Variants in CDH13 observed in about 807,000 individuals in gnomAD.
CDH13 encodes the protein cadherin 13.
Under a neutral mutation model 63.8 loss-of-function variants are expected in CDH13, and 24 were observed. The observed-to-expected ratio is 0.38, with a 90% CI of 0.27 to 0.53. The LOEUF is 0.53. CDH13 is among the 20% of genes least tolerant of loss of function. The probability of loss-of-function intolerance (pLI) is 0.85; values close to 1 mark genes in which losing one functional copy is unlikely to be tolerated. For missense variants in CDH13, 1,049 were observed against 903.1 expected (o/e 1.16, Z -2.07); for synonymous variants, 503 against 355.3 (o/e 1.42, Z -4.67).
At chr16:82,815,531 A>C (rs1248645143) in intron 1 of CDH13, among the ~76,000 whole-genome samples, 1 of 152,210 alleles carries the variant, frequency 6.6e-6, no homozygotes, top group Non-Finnish European at 1.5e-5. Flanking sequence ...TATTATTTCC[A>C]TGTTCAGAAA....
At chr16:82,762,615 T>C (rs2034896431) in intron 1 of CDH13, among the ~76,000 whole-genome samples, 1 of 152,216 alleles carries the variant, frequency 6.6e-6, no homozygotes, top group Non-Finnish European at 1.5e-5. Flanking sequence ...GATGGTCATG[T>C]TCCTGGCTGG....
At chr16:83,644,081 C>G (rs956233796) in intron 8 of CDH13, among the ~76,000 whole-genome samples, 3 of 152,252 alleles carry the variant, frequency 2.0e-5, no homozygotes, top group Admixed American at 1.3e-4. Context: ...TGAAACCCAA[C>G]AGAGTCCTTG....
At chr16:82,662,975 A>G (rs1233517075) in intron 1 of CDH13, among the ~76,000 whole-genome samples, 2 of 152,198 alleles carry the variant, frequency 1.3e-5, no homozygotes, top group Non-Finnish European at 2.9e-5. Context: ...AGTTAAAAAC[A>G]TTGGATAAAT....
intron 8 of CDH13, among the ~76,000 whole-genome samples, chr16:83,627,142 G>GAGCTGAGTGTGGC (rs1910384104): frequency 1.5e-5 from 2 of 136,200 alleles, no homozygotes; most frequent in African/African-American, 5.4e-5. Flanking sequence ...AAAAAAAAAT[G>GAGCTGAGTGTGGC]AGCTGAGTGT....
At chr16:83,360,987 T>C (rs939579851) in intron 6 of CDH13, among the ~76,000 whole-genome samples, 1 of 152,076 alleles carries the variant, frequency 6.6e-6, no homozygotes, top group African/African-American at 2.4e-5. Flanking sequence ...AGATTGCTTG[T>C]TTTAAGTGCT....
chr16:83,535,674 A>G (rs1391879343), intron 7 of CDH13, among the ~76,000 whole-genome samples: 1 of 152,154 alleles, frequency 6.6e-6, no homozygotes, highest in Non-Finnish European at 1.5e-5. Context: ...CAGGTTAATT[A>G]ACATTTAGGC....
At chr16:82,857,167 C>G (rs920576100) in intron 1 of CDH13, among the ~76,000 whole-genome samples, 4 of 152,186 alleles carry the variant, frequency 2.6e-5, no homozygotes, top group African/African-American at 9.7e-5. Flanking sequence ...GCTGGCTTCA[C>G]CCATTCCAAC....
intron 8 of CDH13, among the ~76,000 whole-genome samples, chr16:83,644,689 C>G (rs961909407): frequency 3.9e-5 from 6 of 152,204 alleles, no homozygotes; most frequent in Admixed American, 2.0e-4. Flanking sequence ...AGAAACGCAT[C>G]TGGTACTCAA....
At chr16:83,452,579 G>A (rs1051560128) in intron 6 of CDH13, among the ~76,000 whole-genome samples, 4 of 152,042 alleles carry the variant, frequency 2.6e-5, no homozygotes, top group Admixed American at 2.6e-4. Flanking sequence ...GATGGTACTT[G>A]TTTCCTGCCC....
chr16:82,905,090 T>C (rs1004566750), intron 2 of CDH13, among the ~76,000 whole-genome samples: 1 of 152,164 alleles, frequency 6.6e-6, no homozygotes, highest in African/African-American at 2.4e-5. Flanking sequence ...TCAATGATTC[T>C]TCAAGGGAAG....
chr16:83,320,439 T>C (rs1047309117), intron 5 of CDH13, among the ~76,000 whole-genome samples: 1 of 152,192 alleles, frequency 6.6e-6, no homozygotes, highest in African/African-American at 2.4e-5. Context: ...ACCCAGGCAT[T>C]GCTAGAAAGT....
intron 7 of CDH13, among the ~76,000 whole-genome samples, chr16:83,579,457 T>A (rs1333843892): frequency 6.6e-6 from 1 of 152,062 alleles, no homozygotes; most frequent in African/African-American, 2.4e-5. Flanking sequence ...ATGTCTTACA[T>A]TGCTGGAGAA....
intron 6 of CDH13, among the ~76,000 whole-genome samples, chr16:83,422,698 C>T (rs1028612929): frequency 1.3e-5 from 2 of 152,160 alleles, no homozygotes; most frequent in Non-Finnish European, 2.9e-5. Context: ...CTCCTCTGAC[C>T]TCTAAGCTCA....
intron 6 of CDH13, among the ~76,000 whole-genome samples, chr16:83,447,944 C>T (rs2072760554): frequency 6.6e-6 from 1 of 152,048 alleles, no homozygotes; most frequent in Non-Finnish European, 1.5e-5. Flanking sequence ...GGTCCCCAGT[C>T]TCCTCTGTTA....
At chr16:82,847,710 G>C (rs950855718) in intron 1 of CDH13, among the ~76,000 whole-genome samples, 34 of 152,130 alleles carry the variant, frequency 2.2e-4, no homozygotes, top group South Asian at 2.1e-4. Context: ...TGTCTATTCT[G>C]TTTGCGTTAT....
intron 2 of CDH13, among the ~76,000 whole-genome samples, chr16:82,996,879 G>T (rs1471486872): frequency 6.6e-6 from 1 of 151,452 alleles, no homozygotes; most frequent in Non-Finnish European, 1.5e-5. Flanking sequence ...GATGATTCTA[G>T]TGATGGTGAT....
intron 1 of CDH13, among the ~76,000 whole-genome samples, chr16:82,747,441 C>A (rs1045674502): frequency 7.0e-6 from 1 of 142,888 alleles, no homozygotes; most frequent in African/African-American, 2.4e-5. Flanking sequence ...GATTATTTCA[C>A]GTATTGGCAG....
chr16:83,216,412 ATATATATATATATAT>A (rs2039518514), intron 4 of CDH13, among the ~76,000 whole-genome samples: 2 of 83,190 alleles, frequency 2.4e-5, no homozygotes, highest in East Asian at 8.6e-4. Context: ...ATATATATAT[ATATATATATATATAT>A]ATATATATAT....
chr16:82,818,941 C>G (rs1384702582), intron 1 of CDH13, among the ~76,000 whole-genome samples: 1 of 152,218 alleles, frequency 6.6e-6, no homozygotes, highest in Non-Finnish European at 1.5e-5. Context: ...TTGCTCCCCT[C>G]TGAGTGCTTT....
Sources: allele counts gnomAD v4.1 joint callset (sites outside exome capture counted in the v4.1 genomes callset), GRCh38; gene constraint gnomAD v4.1.1; transcripts MANE v1.5; gene names NCBI Gene and HGNC (gene_info 2026-07-23, HGNC 2026-07-21).